The following SEPTIN11 variants were observed in gnomAD, a reference collection of about 807,000 sequenced individuals.
The protein encoded by SEPTIN11 is septin 11.
A neutral mutation model predicts 51.4 loss-of-function variants in SEPTIN11; 25 were observed. That is an observed-to-expected ratio of 0.49 (90% CI 0.35 to 0.68). The LOEUF is 0.68. Ranked by LOEUF, SEPTIN11 falls within the 30% of genes least tolerant of loss-of-function variation. The pLI, the probability that SEPTIN11 is intolerant of heterozygous loss-of-function variation, is 0.00. For missense variants in SEPTIN11, 381 were observed against 520.8 expected, an observed-to-expected ratio of 0.73 and a Z score of 2.61; for synonymous variants, 174 against 184.1, an observed-to-expected ratio of 0.95 and a Z score of 0.44.
intron 8 of SEPTIN11, among the ~76,000 whole-genome samples, chr4:77,029,592 A>G (rs1726446089): frequency 1.3e-5 from 2 of 152,256 alleles, no homozygotes; most frequent in Admixed American, 1.3e-4. Context: ...GGCTTCAAGA[A>G]CCAAGGGGAT....
At chr4:76,973,494 C>G (rs1402188964) in intron 1 of SEPTIN11, among the ~76,000 whole-genome samples, 2 of 152,208 alleles carry the variant, frequency 1.3e-5, no homozygotes, top group African/African-American at 4.8e-5. Context: ...GGGCCCTCTC[C>G]CAAGGTTCCT....
chr4:77,014,740 A>G (rs1302465719), intron 4 of SEPTIN11, 116 bp from the exon 5 acceptor site: 2 of 987,230 alleles, frequency 2.0e-6, no homozygotes, highest in Non-Finnish European at 3.1e-6. Context: ...TAAGTAGGAA[A>G]CATCTTTATT....
Position 77,037,820 on chromosome 4 carries a change from G to T in SEPTIN11, c.*3308G>T. On this transcript the variant is annotated 3_prime_UTR_variant, in exon 10 of 10. Transcript: ENST00000264893. ...AATTGGTTAAGGTTTTCTCCAAAAAGGGCATTTCAACAATGGGAATTATTT... is the reference window on the plus strand; with the variant it reads ...AATTGGTTAAGGTTTTCTCCAAAAATGGCATTTCAACAATGGGAATTATTT... 4.1e-6 allele frequency: 4 copies of T among 985,838 alleles called. No individual in the cohort carries two copies. The highest frequency in any genetic ancestry group is 4.8e-6 in the Non-Finnish European group (4 of 829,934). 61.1% of individuals were successfully genotyped at this position (985,838 alleles called of 1,614,324 possible).
chr4:76,979,143 A>C (rs1722636801), intron 1 of SEPTIN11, among the ~76,000 whole-genome samples: 1 of 152,246 alleles, frequency 6.6e-6, no homozygotes, highest in South Asian at 2.1e-4. Context: ...TCAAAGTAAG[A>C]TGAATAAGAC....
chr4:77,021,749 A>G (rs1320237146), intron 7 of SEPTIN11: 1 of 152,402 alleles, frequency 6.6e-6, no homozygotes, highest in Non-Finnish European at 1.5e-5. Flanking sequence ...AACCGGAGGC[A>G]GCCTGTGCAC....
chr4:76,983,179 T>G (rs748587041), intron 1 of SEPTIN11, among the ~76,000 whole-genome samples: 2 of 152,170 alleles, frequency 1.3e-5, no homozygotes, highest in Non-Finnish European at 2.9e-5. Flanking sequence ...AAATGGAGAT[T>G]GACCTGGGTG....
chr4:76,962,571 C>G (rs1721866877), intron 1 of SEPTIN11, among the ~76,000 whole-genome samples: 1 of 152,192 alleles, frequency 6.6e-6, no homozygotes, highest in African/African-American at 2.4e-5. Flanking sequence ...ACATGTCTCA[C>G]TTGGCATTAC....
rs192337634 is a variant in SEPTIN11, at chr4:76,996,070, T to C, written c.28-355T>C. 256 of 939,626 alleles carry C rather than the reference T, an allele frequency of 2.7e-4. 2 individuals carry two copies. The East Asian group carries it at 6.1e-3, about 23-fold the overall frequency. The allele number at this position is 939,626 out of a possible 1,614,324, so 58.2% of individuals were successfully genotyped here. ...GTTGACAGTAAATTGAAAGCTTTTC[T>C]TGAATAATGAAAGTGATCAAAATGA... is the stretch of plus-strand genomic sequence containing the variant. On this transcript the variant is annotated intron_variant, in intron 1 of 9. Coordinates refer to ENST00000264893, the MANE Select transcript of SEPTIN11 (RefSeq NM_018243.4).
At chr4:77,031,097 C>T in intron 9 of SEPTIN11, 127 bp downstream of exon 9, 1 of 858,816 alleles carries the variant, frequency 1.2e-6, no homozygotes, top group Non-Finnish European at 1.8e-6. Context: ...AGTATTTTCT[C>T]TACAGTGCAG....
At chr4:76,965,312 G>C (rs1038704399) in intron 1 of SEPTIN11, among the ~76,000 whole-genome samples, 2 of 151,854 alleles carry the variant, frequency 1.3e-5, no homozygotes, top group Non-Finnish European at 2.9e-5. Flanking sequence ...TTAGCCAGGC[G>C]TGGTGGCGTG....
intron 1 of SEPTIN11, chr4:76,987,736 C>G (rs181919150): frequency 4.9e-6 from 2 of 412,276 alleles, no homozygotes; most frequent in East Asian, 1.6e-4. Context: ...TCTCCAGATA[C>G]TGGGAGGTGG....
intron 1 of SEPTIN11, among the ~76,000 whole-genome samples, chr4:76,979,962 A>T (rs1236849921): frequency 6.6e-6 from 1 of 152,194 alleles, no homozygotes; most frequent in Admixed American, 6.5e-5. Flanking sequence ...AGCATCAAGC[A>T]TGGTGACCTT....
At chr4:76,951,246 T>G (rs1165067818) in intron 1 of SEPTIN11, among the ~76,000 whole-genome samples, 1 of 152,208 alleles carries the variant, frequency 6.6e-6, no homozygotes, top group East Asian at 1.9e-4. Context: ...TAATTCGATT[T>G]GGTGGTTCGG....
In SEPTIN11 at chr4:77,011,795, G is replaced by A. The variant is rs998378281; in HGVS notation, c.399G>A (p.Leu133=). The part of the protein sequence containing the change: ...AQFEAYLQEE[L]KIKRSLFNYH... ...TCGAGGCCTACCTGCAAGAGGAATT[G>A]AAGATTAAACGTTCTCTCTTCAACT... Residue 133 remains leucine, a synonymous_variant, in exon 4 of 10, where the codon TTG becomes TTA. Transcript: ENST00000264893. 3.1e-6 allele frequency: 5 copies of A among 1,614,004 alleles called. No homozygotes were observed. The highest frequency in any genetic ancestry group is 3.4e-6 in the Non-Finnish European group (4 of 1,180,002).
At position 77,035,826 on chromosome 4, in the gene SEPTIN11, A is replaced by G. The variant is rs764895823; in HGVS notation, c.*1314A>G. On this transcript the variant is annotated 3_prime_UTR_variant, in exon 10 of 10. Coordinates refer to ENST00000264893, the MANE Select transcript of SEPTIN11 (RefSeq NM_018243.4). ...AGAGTGCATATTTAATCTCTTTTCT[A>G]TACTGCTCCTTTCTGATGCTTATCC... is the stretch of plus-strand genomic sequence containing the variant. 1.6e-4 allele frequency: 156 copies of G among 985,666 alleles called. No individual in the cohort carries two copies. The highest frequency in any genetic ancestry group is 1.9e-4 in the Non-Finnish European group (154 of 829,942). The allele number at this position is 985,666 out of a possible 1,614,324, so 61.1% of individuals were successfully genotyped here.
chr4:77,013,803 ACT>A (rs1249545341), intron 4 of SEPTIN11, among the ~76,000 whole-genome samples: 3 of 151,858 alleles, frequency 2.0e-5, no homozygotes, highest in Non-Finnish European at 2.9e-5. Flanking sequence ...CTCCCGAAAG[ACT>A]CTCTGTTCCC....
chr4:76,989,550 G>A (rs1459965504), intron 1 of SEPTIN11, among the ~76,000 whole-genome samples: 1 of 152,166 alleles, frequency 6.6e-6, no homozygotes, highest in African/African-American at 2.4e-5. Context: ...TTCAGTTTAA[G>A]TATGGTGAAT....
intron 1 of SEPTIN11, among the ~76,000 whole-genome samples, chr4:76,977,122 A>G (rs113475408): frequency 8.9e-4 from 135 of 152,322 alleles, no homozygotes; most frequent in African/African-American, 3.1e-3. Flanking sequence ...AAAGCTCAAG[A>G]GAGAGAGAAT....
At chr4:76,953,749 A>G (rs1389061229) in intron 1 of SEPTIN11, among the ~76,000 whole-genome samples, 1 of 152,232 alleles carries the variant, frequency 6.6e-6, no homozygotes, top group Non-Finnish European at 1.5e-5. Context: ...CTGAGGTACA[A>G]TAATCTCTCC....
Sources: allele counts gnomAD v4.1 joint callset (sites outside exome capture counted in the v4.1 genomes callset), GRCh38; gene constraint gnomAD v4.1.1; transcripts MANE v1.5; gene names NCBI Gene and HGNC (gene_info 2026-07-23, HGNC 2026-07-21).